The following MECOM variants were observed in gnomAD, a reference collection of about 807,000 sequenced individuals.
MECOM encodes histone-lysine N-methyltransferase MECOM.
Under a neutral mutation model 116.3 loss-of-function variants are expected in MECOM, and 13 were observed. The ratio of observed to expected loss-of-function variants is 0.11; its 90% CI spans 0.07 to 0.18. The LOEUF (loss-of-function observed/expected upper bound fraction) is 0.18, where lower values mean the gene tolerates loss of function less well. Ranked by LOEUF, MECOM falls within the 10% of genes least tolerant of loss-of-function variation. MECOM has a pLI of 1.00. For synonymous variants in MECOM, 528 were observed against 535.2 expected (o/e 0.99, Z 0.19); for missense variants, 1,299 against 1,509.0 (o/e 0.86, Z 2.31).
At chr3:169,273,591 G>A (rs16853395) in intron 2 of MECOM, among the ~76,000 whole-genome samples, 2,423 of 152,240 alleles carry the variant, frequency 0.016, 68 homozygotes, top group African/African-American at 0.055. Context: ...CGGAGAGAAG[G>A]GCTTGGGAAT....
At chr3:169,089,299 A>T in intron 15 of MECOM, 116 bp from the exon 16 acceptor site, 1 of 625,182 alleles carries the variant, frequency 1.6e-6, no homozygotes, top group Non-Finnish European at 2.4e-6. Flanking sequence ...TCTGCAAGGT[A>T]AAGTAGCATG....
intron 2 of MECOM, among the ~76,000 whole-genome samples, chr3:169,168,331 G>T (rs1007976926): frequency 1.5e-5 from 2 of 133,668 alleles, no homozygotes; most frequent in East Asian, 4.8e-4. Flanking sequence ...CACCACACTT[G>T]GCCTGCTTTT....
At chr3:169,522,417 C>T (rs149278836) in intron 1 of MECOM, among the ~76,000 whole-genome samples, 29 of 152,222 alleles carry the variant, frequency 1.9e-4, no homozygotes, top group Non-Finnish European at 3.1e-4. Flanking sequence ...AATCCTCAGT[C>T]TATATCAGAC....
At chr3:169,432,178 A>G (rs1452203936) in intron 1 of MECOM, among the ~76,000 whole-genome samples, 1 of 143,822 alleles carries the variant, frequency 7.0e-6, no homozygotes, top group East Asian at 2.2e-4. Flanking sequence ...TTTTTTTTTT[A>G]GACAGAGTCT....
At chr3:169,111,883 C>T (rs974529717) in intron 9 of MECOM, among the ~76,000 whole-genome samples, 7 of 151,884 alleles carry the variant, frequency 4.6e-5, no homozygotes, top group Non-Finnish European at 8.8e-5. Flanking sequence ...TTCCATAAGA[C>T]AGCTTGCATA....
At chr3:169,483,311 TTGTA>T (rs1369348340) in intron 1 of MECOM, among the ~76,000 whole-genome samples, 1 of 150,048 alleles carries the variant, frequency 6.7e-6, no homozygotes, top group Non-Finnish European at 1.5e-5. Context: ...AGAAGCCCAC[TTGTA>T]TCCCTGAATC....
intron 10 of MECOM, among the ~76,000 whole-genome samples, chr3:169,103,226 C>G (rs921500199): frequency 6.6e-6 from 1 of 151,810 alleles, no homozygotes; most frequent in Non-Finnish European, 1.5e-5. Context: ...GCTTCGGTCT[C>G]CCAAAGTGCT....
intron 2 of MECOM, among the ~76,000 whole-genome samples, chr3:169,335,161 A>G (rs567852060): frequency 1.3e-5 from 2 of 152,250 alleles, no homozygotes; most frequent in East Asian, 3.9e-4. Flanking sequence ...ACTGGACTGA[A>G]CAAGGAAGCA....
At chr3:169,300,790 C>A (rs530899761) in intron 2 of MECOM, among the ~76,000 whole-genome samples, 1 of 152,172 alleles carries the variant, frequency 6.6e-6, no homozygotes, top group East Asian at 1.9e-4. Flanking sequence ...CGGGTTCCAA[C>A]CAGAGGAGAG....
At chr3:169,334,079 T>A (rs191219141) in intron 2 of MECOM, among the ~76,000 whole-genome samples, 2 of 152,274 alleles carry the variant, frequency 1.3e-5, no homozygotes, top group East Asian at 3.9e-4. Flanking sequence ...TAGAATGGAA[T>A]GTGCAAATTT....
rs571623111 is a variant in MECOM at position 169,329,701 on chromosome 3, T to C, written c.375+51486A>G. Among the ~76,000 whole-genome samples, 534 of 152,330 alleles carry C rather than the reference T, an allele frequency of 3.5e-3. 5 individuals carry two copies. Among genetic ancestry groups the C allele is most frequent in the African/African-American group, 0.012 (505 of 41,578 alleles). ...AAATGGGTGACAAAGAGGAGTTCCA[T>C]TGCAATATTTTTAAGAGAAAATTAT... On this transcript the variant is annotated intron_variant, in intron 2 of 16. Coordinates refer to ENST00000651503, the MANE Select transcript of MECOM (RefSeq NM_004991.4).
intron 1 of MECOM, among the ~76,000 whole-genome samples, chr3:169,428,802 G>T (rs770862894): frequency 6.6e-5 from 10 of 152,068 alleles, no homozygotes; most frequent in Non-Finnish European, 1.3e-4. Flanking sequence ...GTGGTAAAAG[G>T]GATTGGAATC....
At chr3:169,600,212 T>A (rs1767673471) in intron 1 of MECOM, among the ~76,000 whole-genome samples, 1 of 152,150 alleles carries the variant, frequency 6.6e-6, no homozygotes, top group African/African-American at 2.4e-5. Context: ...CCTCATGTGA[T>A]CTGCCCACCT....
intron 1 of MECOM, among the ~76,000 whole-genome samples, chr3:169,495,045 A>C (rs1189685908): frequency 5.3e-5 from 8 of 152,180 alleles, no homozygotes; most frequent in Non-Finnish European, 1.0e-4. Context: ...TGCTTCTCTT[A>C]ATAGTCCTTC....
intron 1 of MECOM, among the ~76,000 whole-genome samples, chr3:169,649,062 T>G (rs1774534793): frequency 6.6e-6 from 1 of 152,202 alleles, no homozygotes; most frequent in Non-Finnish European, 1.5e-5. Context: ...AAGGCTTGTA[T>G]TTCTATAAAG....
intron 6 of MECOM, 139 bp from the exon 7 acceptor site, chr3:169,121,348 T>A: frequency 1.2e-6 from 1 of 850,090 alleles, no homozygotes; most frequent in Non-Finnish European, 1.7e-6. Context: ...TACTCTCCTC[T>A]AATTTCCAAA....
chr3:169,402,295 C>A (rs566371514), intron 1 of MECOM, among the ~76,000 whole-genome samples: 1 of 152,076 alleles, frequency 6.6e-6, no homozygotes, highest in Non-Finnish European at 1.5e-5. Context: ...TACTGAACAA[C>A]GAAGTGATTA....
chr3:169,190,967 A>G (rs2149421166), intron 2 of MECOM, among the ~76,000 whole-genome samples: 1 of 152,106 alleles, frequency 6.6e-6, no homozygotes, highest in East Asian at 1.9e-4. Flanking sequence ...ATATGTACAG[A>G]GTAGGCAATT....
chr3:169,217,163 G>A (rs2149488361), intron 2 of MECOM, among the ~76,000 whole-genome samples: 1 of 152,246 alleles, frequency 6.6e-6, no homozygotes, highest in South Asian at 2.1e-4. Context: ...TTTGGCACCT[G>A]AGTAAACATG....
Sources: gnomAD v4.1 joint callset for allele counts (sites outside exome capture counted in the v4.1 genomes callset) on GRCh38, gnomAD v4.1.1 for gene constraint, MANE v1.5 for transcripts, NCBI Gene and HGNC (gene_info 2026-07-23, HGNC 2026-07-21) for gene names.